TTF1: variants seen among roughly 807,000 people sequenced by gnomAD.
TTF1 encodes the protein transcription termination factor, RNA polymerase I.
In TTF1, 64 loss-of-function variants were observed where a neutral mutation model predicts 80.2. The ratio of observed to expected loss-of-function variants is 0.80; its 90% CI spans 0.65 to 0.98. The LOEUF is 0.98. Ranked by LOEUF, TTF1 falls within the 50% of genes least tolerant of loss-of-function variation. TTF1 has a pLI of 0.00. For synonymous variants in TTF1, 372 were observed against 382.7 expected (o/e 0.97, Z 0.33); for missense variants, 1,023 against 1,086.2 (o/e 0.94, Z 0.82).
At position 132,402,700 on chromosome 9, in the gene TTF1, G is replaced by A. The variant is rs1210106957; in HGVS notation, c.122C>T (p.Ser41Phe). The A allele has an allele frequency of 2.5e-6, 4 of 1,613,964 alleles. No individual in the cohort carries two copies. Among genetic ancestry groups the A allele is most frequent in the East Asian group, 2.2e-5 (1 of 44,890 alleles). Residue 41 changes from serine (S) to phenylalanine (F), a missense_variant, in exon 2 of 11, where the codon TCC becomes TTC. By Grantham distance (155) the Ser-to-Phe change is radical. Transcript: ENST00000334270. ...TATTTGAGACTGTTCATTCACCAGG[G>A]AGGAGTCTCTGAAAATTTCGTGGGA... is the stretch of plus-strand genomic sequence containing the variant. ...KHSHEIFRDS[S>F]LVNEQSQITR...
rs561715856 is a variant in TTF1, at chr9:132,402,926, G to A, written c.-7-98C>T. The A allele has an allele frequency of 1.4e-4, 172 of 1,211,964 alleles. 2 individuals carry two copies. In the Admixed American group the frequency reaches 4.5e-3, roughly 32 times the overall value. The allele number at this position is 1,211,964 out of a possible 1,614,324, so 75.1% of individuals were successfully genotyped here. On this transcript the variant is annotated intron_variant, in intron 1 of 10. Transcript: ENST00000334270. ...GCTGGAGTGCAGTGGCGCGATCTCGGCTCACTGCAAGCTCCGCCTCCTGGG... is the reference window on the plus strand; with the variant it reads ...GCTGGAGTGCAGTGGCGCGATCTCGACTCACTGCAAGCTCCGCCTCCTGGG...
intron 7 of TTF1, among the ~76,000 whole-genome samples, chr9:132,389,022 C>A (rs746117253): frequency 3.3e-5 from 5 of 152,158 alleles, no homozygotes; most frequent in Non-Finnish European, 5.9e-5. Flanking sequence ...AATAAACGTT[C>A]AGAGTTTAAG....
intron 5 of TTF1, among the ~76,000 whole-genome samples, chr9:132,393,462 G>A (rs367647133): frequency 2.0e-5 from 3 of 152,274 alleles, no homozygotes; most frequent in East Asian, 1.9e-4. Flanking sequence ...TGTGCCATAA[G>A]GACATGCTCC....
chr9:132,402,250 T>G lies in TTF1; in HGVS notation c.572A>C (p.Glu191Ala). Reference protein sequence around the residue: ...QRARDTLPQSESHQEESWLSV... With the variant: ...QRARDTLPQSASHQEESWLSV... The stretch of plus-strand genomic sequence containing the variant: ...AAGCCAGGACTCCTCCTGGTGGGAT[T>G]CTGACTGAGGCAGGGTGTCCCTTGC... The change falls in exon 2 of 11, where the codon GAA (glutamate) becomes GCA (alanine). Residue 191 changes from glutamate (E) to alanine (A), a missense_variant. Coordinates refer to ENST00000334270, the MANE Select transcript of TTF1 (RefSeq NM_007344.4). The G allele has an allele frequency of 2.5e-6, 4 of 1,614,182 alleles. No homozygotes were observed. The highest frequency in any genetic ancestry group is 1.3e-5 in the African/African-American group (1 of 75,044).
intron 5 of TTF1, among the ~76,000 whole-genome samples, chr9:132,392,840 A>G (rs559506747): frequency 6.6e-6 from 1 of 152,258 alleles, no homozygotes; most frequent in Non-Finnish European, 1.5e-5. Context: ...TGAAAAACAA[A>G]AACAAAAAAT....
Position 132,401,819 on chromosome 9 carries a change from T to C in TTF1, c.1003A>G (p.Lys335Glu). ...TCCTGGTGATTGGACTTTTTCTTTT[T>C]TTTCTTAGACTTGTTTTTATAAGCA... Reference protein sequence around the residue: ...APAYKNKSKKKKKKSNHQEFE... With the variant: ...APAYKNKSKKEKKKSNHQEFE... The change falls in exon 2 of 11, where the codon AAA (lysine) becomes GAA (glutamate). Residue 335 changes from lysine to glutamate, a missense_variant. Lys to Glu is a moderately conservative substitution (Grantham distance 56, BLOSUM62 1). Transcript: ENST00000334270. The C allele has an allele frequency of 6.2e-7, 1 of 1,614,108 alleles. No individual in the cohort carries two copies. The highest frequency in any genetic ancestry group is 8.5e-7 in the Non-Finnish European group (1 of 1,180,032).
intron 7 of TTF1, among the ~76,000 whole-genome samples, chr9:132,389,182 CTT>C (rs548985050): frequency 1.6e-4 from 22 of 135,112 alleles, no homozygotes; most frequent in Non-Finnish European, 2.2e-4. Context: ...CTCACTCTTC[CTT>C]TTTTTTTTTT....
chr9:132,401,659 T>G lies in TTF1; in HGVS notation c.1163A>C (p.Lys388Thr), dbSNP rs766189620. Residue 388 changes from lysine to threonine, a missense_variant, in exon 2 of 11, where the codon AAG becomes ACG. Transcript: ENST00000334270. ...GFKESNSTKK[K>T]SKKRKLTSVK... ...AGACGTAAGCTTCCTTTTCTTAGAC[T>G]TCTTCTTTGTACTGTTGGATTCCTT... is the stretch of plus-strand genomic sequence containing the variant. 1 of 1,614,110 alleles carries G rather than the reference T, an allele frequency of 6.2e-7. No homozygotes were observed. Among genetic ancestry groups the G allele is most frequent in the Non-Finnish European group, 8.5e-7 (1 of 1,179,958 alleles).
At chr9:132,399,117 T>A (rs1273531785) in intron 3 of TTF1, among the ~76,000 whole-genome samples, 1 of 149,244 alleles carries the variant, frequency 6.7e-6, no homozygotes, top group East Asian at 2.0e-4. Context: ...GAGAACCACT[T>A]GAACCCAGGA....
At chr9:132,400,399 C>G (rs1849739358) in intron 2 of TTF1, 141 bp from the exon 3 acceptor site, 3 of 663,728 alleles carry the variant, frequency 4.5e-6, no homozygotes, top group Non-Finnish European at 7.8e-6. Context: ...TCTCAGCTCA[C>G]TGCAACTTCT....
At chr9:132,378,398 T>G (rs1206819434) in intron 10 of TTF1, among the ~76,000 whole-genome samples, 8 of 82,576 alleles carry the variant, frequency 9.7e-5, no homozygotes, top group African/African-American at 2.9e-4. Flanking sequence ...TGCATGCATG[T>G]GGTGTGAGTG....
chr9:132,400,781 TAAGCCC>T (rs1442706662), intron 2 of TTF1, among the ~76,000 whole-genome samples: 2 of 152,232 alleles, frequency 1.3e-5, no homozygotes, highest in Non-Finnish European at 2.9e-5. Context: ...AGTGCAGCCC[TAAGCCC>T]CATTTCCACT....
chr9:132,399,301 T>C (rs1001720250), intron 3 of TTF1, among the ~76,000 whole-genome samples: 1 of 151,998 alleles, frequency 6.6e-6, no homozygotes, highest in Non-Finnish European at 1.5e-5. Flanking sequence ...CACTCTATAA[T>C]TGTGTGTACG....
In TTF1 at chr9:132,384,828, T is replaced by G. The variant is rs1240349489; in HGVS notation, c.2378+1728A>C. ...CCTGCCATCATGCCTGGCTAATTTTTGTATTTTTGTAGAGACGGAGTTGAA... is the reference window on the plus strand; with the variant it reads ...CCTGCCATCATGCCTGGCTAATTTTGGTATTTTTGTAGAGACGGAGTTGAA... On this transcript the variant is annotated intron_variant, in intron 9 of 10. Coordinates refer to ENST00000334270, the MANE Select transcript of TTF1 (RefSeq NM_007344.4). This position sits in a 1 kb window ranked among gnomAD's most constrained non-coding sequence, Gnocchi z 4.1. 6.6e-6 allele frequency among the ~76,000 whole-genome samples: 1 copy of G among 152,144 alleles called. No homozygotes were observed. The highest frequency in any genetic ancestry group is 1.5e-5 in the Non-Finnish European group (1 of 68,026).
At position 132,401,496 on chromosome 9, in the gene TTF1, G is replaced by A; in HGVS notation, c.1326C>T (p.Thr442=). 6.2e-7 allele frequency: 1 copy of A among 1,613,894 alleles called. No homozygotes were observed. Among genetic ancestry groups the A allele is most frequent in the South Asian group, 1.1e-5 (1 of 91,070 alleles). Residue 442 remains threonine (T), a synonymous_variant, in exon 2 of 11, where the codon ACC becomes ACT. Coordinates refer to ENST00000334270, the MANE Select transcript of TTF1 (RefSeq NM_007344.4). Reference sequence around the variant, plus strand: ...CGTGCTTGCTTGCCAAACAGGCCTGGGTTTTCTTTTGTCGGGGCCTAGATT... The same window carrying A: ...CGTGCTTGCTTGCCAAACAGGCCTGAGTTTTCTTTTGTCGGGGCCTAGATT... ...GVKSRPRQKK[T]QACLASKHVQ...
At chr9:132,377,959 TGTG>T (rs1166321314) in intron 10 of TTF1, among the ~76,000 whole-genome samples, 4 of 126,214 alleles carry the variant, frequency 3.2e-5, no homozygotes, top group Non-Finnish European at 6.4e-5. Flanking sequence ...TGTGAGTGCA[TGTG>T]GTGTGTGTGA....
At position 132,378,783 on chromosome 9, in the gene TTF1, A is replaced by AGT. The variant is rs991601546; in HGVS notation, c.2464+274_2464+275dup. On this transcript the variant is annotated intron_variant, in intron 10 of 10. Coordinates refer to ENST00000334270, the MANE Select transcript of TTF1 (RefSeq NM_007344.4). Reference sequence around the variant, plus strand: ...CATGTGTGCATGTGCTGTGTGCACGAGTGTGTGTGTGTGATGGCAACACCA... The same window carrying AGT: ...CATGTGTGCATGTGCTGTGTGCACGAGTGTGTGTGTGTGTGATGGCAACACCA... Among the ~76,000 whole-genome samples, 8 of 151,810 alleles carry AGT rather than the reference A, an allele frequency of 5.3e-5. No homozygotes were observed. The East Asian group carries it at 1.5e-3, about 29-fold the overall frequency.
intron 3 of TTF1, 96 bp downstream of exon 3, chr9:132,399,939 T>G: frequency 7.7e-7 from 1 of 1,302,480 alleles, no homozygotes; most frequent in African/African-American, 1.5e-5. Flanking sequence ...AGAATGCTTC[T>G]TGTCGATCTA....
chr9:132,382,244 A>G (rs945765149), intron 9 of TTF1, among the ~76,000 whole-genome samples: 1 of 152,172 alleles, frequency 6.6e-6, no homozygotes. Flanking sequence ...CTCACTTCTC[A>G]CATGAGAAAT....
Sources: allele counts gnomAD v4.1 joint callset (sites outside exome capture counted in the v4.1 genomes callset), GRCh38; gene constraint gnomAD v4.1.1; non-coding constraint Gnocchi (gnomAD v3.1); transcripts MANE v1.5; gene names NCBI Gene and HGNC (gene_info 2026-07-23, HGNC 2026-07-21).